Variants in TENM2 observed in about 807,000 individuals in gnomAD.
The protein encoded by TENM2 is teneurin transmembrane protein 2, also known as teneurin-2.
In TENM2, 52 loss-of-function variants were observed where a neutral mutation model predicts 245.2. The observed-to-expected ratio is 0.21, with a 90% confidence interval of 0.17 to 0.27. The LOEUF is 0.27. TENM2 is among the 10% of genes least tolerant of loss of function. The pLI, the probability that TENM2 is intolerant of heterozygous loss-of-function variation, is 1.00. For synonymous variants in TENM2, 1,363 were observed against 1,438.9 expected (o/e 0.95, Z 1.19); for missense variants, 3,046 against 3,666.8 (o/e 0.83, Z 4.37).
chr5:167,658,394 G>A (rs369175740), intron 2 of TENM2, among the ~76,000 whole-genome samples: 4 of 152,120 alleles, frequency 2.6e-5, no homozygotes, highest in African/African-American at 9.6e-5. Context: ...TTTTAGTAGA[G>A]ATGGGGTTTC....
At chr5:168,081,259 CTA>C (rs1318609700) in intron 7 of TENM2, among the ~76,000 whole-genome samples, 3 of 152,126 alleles carry the variant, frequency 2.0e-5, no homozygotes, top group Non-Finnish European at 4.4e-5. Flanking sequence ...GCAACCCCTG[CTA>C]TTTTTTTGTT....
At chr5:167,586,946 A>G (rs747266327) in intron 2 of TENM2, among the ~76,000 whole-genome samples, 1 of 152,212 alleles carries the variant, frequency 6.6e-6, no homozygotes, top group Non-Finnish European at 1.5e-5. Flanking sequence ...AATGTTAATT[A>G]GTAATTGTTG....
intron 2 of TENM2, among the ~76,000 whole-genome samples, chr5:167,582,495 G>C (rs1394401732): frequency 6.6e-6 from 1 of 152,102 alleles, no homozygotes; most frequent in Non-Finnish European, 1.5e-5. Flanking sequence ...TTCATGTCTA[G>C]ATGAGACCCA....
At chr5:167,131,070 A>G in the TENM2 span, among the ~76,000 whole-genome samples, 1 of 152,064 alleles carries the variant, frequency 6.6e-6, no homozygotes, top group African/African-American at 2.4e-5. Flanking sequence ...GCCTGTCACC[A>G]AATTTCTGTT....
At chr5:167,876,466 C>T (rs1226419961) in intron 3 of TENM2, among the ~76,000 whole-genome samples, 2 of 152,126 alleles carry the variant, frequency 1.3e-5, no homozygotes, top group African/African-American at 4.8e-5. Flanking sequence ...GCATGCTGGT[C>T]TCAAAGGTGA....
At chr5:167,298,213 A>C (rs1334970127) in intron 1 of TENM2, among the ~76,000 whole-genome samples, 2 of 151,946 alleles carry the variant, frequency 1.3e-5, no homozygotes, top group Non-Finnish European at 2.9e-5. Flanking sequence ...CTGAAGGAAG[A>C]TTTTGTGGTA....
the TENM2 span, among the ~76,000 whole-genome samples, chr5:167,005,262 G>A: frequency 6.6e-6 from 1 of 152,114 alleles, no homozygotes; most frequent in South Asian, 2.1e-4. Context: ...TCTGTTGAGG[G>A]TAGACAACAT....
At chr5:168,139,521 C>G in intron 12 of TENM2, 2 of 456,480 alleles carry the variant, frequency 4.4e-6, no homozygotes, top group Non-Finnish European at 4.4e-6. Flanking sequence ...GAAACCAGTT[C>G]TCTTCCCATT....
intron 27 of TENM2, among the ~76,000 whole-genome samples, chr5:168,254,583 T>A (rs562129407): frequency 2.6e-5 from 4 of 151,914 alleles, no homozygotes; most frequent in African/African-American, 9.7e-5. Context: ...AAAGAAGAAC[T>A]ACAAGAACTA....
At chr5:167,799,547 A>G (rs993661513) in intron 2 of TENM2, among the ~76,000 whole-genome samples, 3 of 152,234 alleles carry the variant, frequency 2.0e-5, no homozygotes, top group African/African-American at 7.2e-5. Context: ...AAGGTACATG[A>G]TAAAATGAAA....
intron 27 of TENM2, among the ~76,000 whole-genome samples, chr5:168,258,008 AG>A (rs1472680295): frequency 1.3e-4 from 20 of 152,250 alleles, no homozygotes; most frequent in African/African-American, 4.8e-4. Context: ...ATCCCTCGGG[AG>A]GTGCTGAACT....
intron 9 of TENM2, among the ~76,000 whole-genome samples, chr5:168,117,435 A>G (rs1407508553): frequency 2.0e-5 from 3 of 152,032 alleles, no homozygotes; most frequent in Non-Finnish European, 4.4e-5. Context: ...CAAACCCTAC[A>G]CATACCATGT....
intron 3 of TENM2, among the ~76,000 whole-genome samples, chr5:167,878,573 CTG>C (rs10573629): frequency 0.04 from 6,034 of 150,054 alleles, 316 homozygotes; most frequent in African/African-American, 0.12. Context: ...GTGCTCACGT[CTG>C]TGTGTGTGTG....
chr5:167,605,778 A>T (rs1183971857), intron 2 of TENM2, among the ~76,000 whole-genome samples: 2 of 152,148 alleles, frequency 1.3e-5, no homozygotes, highest in Non-Finnish European at 2.9e-5. Flanking sequence ...TTTCTCATAG[A>T]TTATAGGCAC....
At chr5:168,004,909 CT>C (rs1784706096) in intron 5 of TENM2, among the ~76,000 whole-genome samples, 2 of 152,064 alleles carry the variant, frequency 1.3e-5, no homozygotes, top group East Asian at 3.9e-4. Context: ...ACTTACCAGT[CT>C]GTGGATCTGT....
At chr5:167,526,875 G>A (rs926833947) in intron 2 of TENM2, among the ~76,000 whole-genome samples, 5 of 152,060 alleles carry the variant, frequency 3.3e-5, no homozygotes, top group African/African-American at 7.2e-5. Flanking sequence ...AAGTAGAGAC[G>A]TAAGATTAAG....
intron 2 of TENM2, among the ~76,000 whole-genome samples, chr5:167,724,945 C>T (rs897786213): frequency 1.3e-5 from 2 of 152,168 alleles, no homozygotes; most frequent in Admixed American, 1.3e-4. Flanking sequence ...CATCTTACCA[C>T]TCTTCCTGGC....
At chr5:167,028,179 A>G in the TENM2 span, among the ~76,000 whole-genome samples, 1 of 152,122 alleles carries the variant, frequency 6.6e-6, no homozygotes, top group Non-Finnish European at 1.5e-5. Context: ...TCCCATGAAT[A>G]AAGGGCAATA....
intron 2 of TENM2, among the ~76,000 whole-genome samples, chr5:167,534,001 T>A (rs1448097747): frequency 1.3e-5 from 2 of 152,162 alleles, no homozygotes; most frequent in Admixed American, 6.5e-5. Context: ...GCTTGAGGTT[T>A]AGGCCTTGCT....
Sources: allele counts gnomAD v4.1 joint callset (sites outside exome capture counted in the v4.1 genomes callset), GRCh38; gene constraint gnomAD v4.1.1; transcripts MANE v1.5; gene names NCBI Gene and HGNC (gene_info 2026-07-23, HGNC 2026-07-21).